DDX4: variants seen among roughly 807,000 people sequenced by gnomAD.
The protein encoded by DDX4 is probable ATP-dependent RNA helicase DDX4.
A neutral mutation model predicts 100.0 loss-of-function variants in DDX4; 25 were observed. The ratio of observed to expected loss-of-function variants is 0.25; its 90% CI spans 0.18 to 0.35. The LOEUF (loss-of-function observed/expected upper bound fraction) is 0.35. DDX4 is among the 10% of genes least tolerant of loss of function. The pLI, the probability that DDX4 is intolerant of heterozygous loss-of-function variation, is 1.00. For synonymous variants in DDX4, 259 were observed against 275.7 expected, an observed-to-expected ratio of 0.94 and a Z score of 0.60; for missense variants, 635 against 882.4, an observed-to-expected ratio of 0.72 and a Z score of 3.55.
intron 7 of DDX4, among the ~76,000 whole-genome samples, chr5:55,779,751 C>A (rs1741792718): frequency 6.6e-6 from 1 of 152,034 alleles, no homozygotes; most frequent in Non-Finnish European, 1.5e-5. Context: ...TCAAAGCAAG[C>A]AGTGAGGTTT....
Position 55,816,645 on chromosome 5 carries a change from G to C in DDX4, c.*105G>C. The C allele has an allele frequency of 6.6e-7, 1 of 1,508,640 alleles. No individual in the cohort carries two copies. The highest frequency in any genetic ancestry group is 8.9e-7 in the Non-Finnish European group (1 of 1,126,560). The allele number at this position is 1,508,640 out of a possible 1,614,324, so 93.5% of individuals were successfully genotyped here. Reference sequence around the variant, plus strand: ...AAAACTTAACATTCTCATAGCTCCTGTCCTTGTATTCTCACTCCTACACTT... The same window carrying C: ...AAAACTTAACATTCTCATAGCTCCTCTCCTTGTATTCTCACTCCTACACTT... On this transcript the variant is annotated 3_prime_UTR_variant, in exon 22 of 22. Coordinates refer to ENST00000505374, the MANE Select transcript of DDX4 (RefSeq NM_024415.3).
At chr5:55,766,716 A>C (rs894628459) in intron 6 of DDX4, among the ~76,000 whole-genome samples, 1 of 152,118 alleles carries the variant, frequency 6.6e-6, no homozygotes, top group African/African-American at 2.4e-5. Context: ...TTAGCTAATA[A>C]CCTGCAAGCT....
chr5:55,794,183 C>CTTTTT (rs70995739), intron 17 of DDX4, among the ~76,000 whole-genome samples: 1 of 136,202 alleles, frequency 7.3e-6, no homozygotes, highest in Non-Finnish European at 1.6e-5. Context: ...TATTTTCTTT[C>CTTTTT]TTTTTTTTTT....
In DDX4 at chr5:55,813,712, A is replaced by C; in HGVS notation, c.1655A>C (p.Lys552Thr). ...RTMVFVETKK[K>T]ADFIATFLCQ... is the part of the protein sequence containing the mutation. ...ATGGTCTTTGTTGAAACTAAGAAAA[A>C]AGCAGATTTTATTGCAACTTTTCTT... Residue 552 changes from lysine to threonine, a missense_variant, in exon 19 of 22, where the codon AAA becomes ACA. By Grantham distance (78) the Lys-to-Thr change is moderately conservative. This residue lies in a region of DDX4 where 115 missense variants were observed against 224.7 expected (regional missense o/e 0.51). Transcript: ENST00000505374. The C allele has an allele frequency of 1.2e-6, 2 of 1,600,776 alleles. No homozygotes were observed. The highest frequency in any genetic ancestry group is 1.7e-6 in the Non-Finnish European group (2 of 1,174,654).
intron 7 of DDX4, among the ~76,000 whole-genome samples, chr5:55,778,631 C>T (rs1011924523): frequency 2.6e-5 from 4 of 152,148 alleles, no homozygotes; most frequent in Non-Finnish European, 5.9e-5. Context: ...CTGTGGCTCA[C>T]GCCTGTAATC....
chr5:55,785,987 C>G, intron 13 of DDX4, 116 bp downstream of exon 13: 1 of 631,760 alleles, frequency 1.6e-6, no homozygotes, highest in Non-Finnish European at 2.7e-6. Context: ...TATATAAGGT[C>G]TTAGGTTGGA....
At chr5:55,804,453 C>T (rs1386122074) in intron 18 of DDX4, among the ~76,000 whole-genome samples, 3 of 152,064 alleles carry the variant, frequency 2.0e-5, no homozygotes, top group South Asian at 4.2e-4. Context: ...TTTATGGTTT[C>T]TGGTCTAACG....
intron 7 of DDX4, among the ~76,000 whole-genome samples, chr5:55,778,115 A>G (rs1184634791): frequency 6.6e-6 from 1 of 152,166 alleles, no homozygotes; most frequent in East Asian, 1.9e-4. Context: ...CCTATGATAA[A>G]TATATCATAG....
At chr5:55,785,900 C>T in intron 13 of DDX4, 29 bp downstream of exon 13, 2 of 1,523,834 alleles carry the variant, frequency 1.3e-6, no homozygotes, top group Non-Finnish European at 1.8e-6. Flanking sequence ...TCTGTATTAG[C>T]TATGTAGCAC....
chr5:55,807,483 T>G (rs533223869), intron 18 of DDX4, among the ~76,000 whole-genome samples: 5 of 152,182 alleles, frequency 3.3e-5, no homozygotes, highest in African/African-American at 1.2e-4. Flanking sequence ...TCCATGTTTA[T>G]TGCTTCCTTC....
intron 18 of DDX4, among the ~76,000 whole-genome samples, chr5:55,807,120 T>C (rs1295916673): frequency 1.3e-5 from 2 of 152,188 alleles, no homozygotes; most frequent in African/African-American, 4.8e-5. Flanking sequence ...TTAAAGTCTG[T>C]TTTATCAGAG....
In DDX4 at chr5:55,816,646, T is replaced by C. The variant is rs1744437990; in HGVS notation, c.*106T>C. ...AAACTTAACATTCTCATAGCTCCTG[T>C]CCTTGTATTCTCACTCCTACACTTA... On this transcript the variant is annotated 3_prime_UTR_variant, in exon 22 of 22. Transcript: ENST00000505374. The C allele has an allele frequency of 1.3e-6, 2 of 1,506,734 alleles. No homozygotes were observed. Among genetic ancestry groups the C allele is most frequent in the South Asian group, 2.6e-5 (2 of 75,954 alleles). The allele number at this position is 1,506,734 out of a possible 1,614,324, so 93.3% of individuals were successfully genotyped here. A position where few individuals can be genotyped will look rare whatever the true frequency, so the allele number is the denominator to read the frequency against.
At chr5:55,803,308 A>G (rs1743446248) in intron 18 of DDX4, among the ~76,000 whole-genome samples, 2 of 150,846 alleles carry the variant, frequency 1.3e-5, no homozygotes, top group South Asian at 2.1e-4. Context: ...ATAGTATTCC[A>G]TGGTGTATAT....
chr5:55,800,632 T>C (rs1743240294), intron 18 of DDX4, among the ~76,000 whole-genome samples: 1 of 152,150 alleles, frequency 6.6e-6, no homozygotes, highest in Non-Finnish European at 1.5e-5. Context: ...CCAAGATTTT[T>C]TTTATATATG....
Position 55,813,716 on chromosome 5 carries a change from A to T in DDX4, c.1659A>T (p.Ala553=). Reference sequence around the variant, plus strand: ...TCTTTGTTGAAACTAAGAAAAAAGCAGATTTTATTGCAACTTTTCTTTGTC... The same window carrying T: ...TCTTTGTTGAAACTAAGAAAAAAGCTGATTTTATTGCAACTTTTCTTTGTC... ...TMVFVETKKK[A]DFIATFLCQE... Residue 553 remains alanine, a synonymous_variant, in exon 19 of 22, where the codon GCA becomes GCT. Transcript: ENST00000505374. 1 of 1,600,796 alleles carries T rather than the reference A, an allele frequency of 6.2e-7. No individual in the cohort carries two copies. Among genetic ancestry groups the T allele is most frequent in the Non-Finnish European group, 8.5e-7 (1 of 1,174,584 alleles).
intron 2 of DDX4, among the ~76,000 whole-genome samples, chr5:55,740,036 C>A (rs1270822896): frequency 6.6e-6 from 1 of 152,090 alleles, no homozygotes; most frequent in African/African-American, 2.4e-5. Context: ...ACTGTGTTAT[C>A]TTTTTATAGT....
chr5:55,769,353 C>T (rs906712601), intron 7 of DDX4, among the ~76,000 whole-genome samples: 2 of 152,046 alleles, frequency 1.3e-5, no homozygotes, highest in Non-Finnish European at 2.9e-5. Flanking sequence ...GTTATCCTAG[C>T]GCCATTTATT....
intron 3 of DDX4, among the ~76,000 whole-genome samples, chr5:55,759,473 T>G (rs1220609552): frequency 4.0e-5 from 6 of 150,694 alleles, no homozygotes; most frequent in Non-Finnish European, 7.4e-5. Flanking sequence ...GAGAATCTCA[T>G]GTATATGAAT....
chr5:55,789,446 T>A (rs1216941858), intron 15 of DDX4, among the ~76,000 whole-genome samples: 1 of 152,214 alleles, frequency 6.6e-6, no homozygotes, highest in Non-Finnish European at 1.5e-5. Context: ...GAGGGCTTCA[T>A]TGGATCTCTC....
Sources: gnomAD v4.1 joint callset for allele counts (sites outside exome capture counted in the v4.1 genomes callset) on GRCh38, gnomAD v4.1.1 for gene constraint, gnomAD v4.1.1 regional missense constraint, MANE v1.5 for transcripts, NCBI Gene and HGNC (gene_info 2026-07-23, HGNC 2026-07-21) for gene names.